Variants in METTL14 observed in about 807,000 individuals in gnomAD.
METTL14 encodes the protein methyltransferase 14, N6-adenosine-methyltransferase non-catalytic subunit.
A neutral mutation model predicts 62.4 loss-of-function variants in METTL14; 32 were observed. That is an observed-to-expected ratio of 0.51 (90% CI 0.39 to 0.69). METTL14 has a LOEUF of 0.69. Ranked by LOEUF, METTL14 falls within the 30% of genes least tolerant of loss-of-function variation. The pLI, the probability that METTL14 is intolerant of heterozygous loss-of-function variation, is 0.00. For synonymous variants in METTL14, 150 were observed against 180.0 expected (o/e 0.83, Z 1.34); for missense variants, 340 against 551.9 (o/e 0.62, Z 3.85).
chr4:118,686,343 A>T (rs915551139), intron 1 of METTL14, among the ~76,000 whole-genome samples: 1 of 152,264 alleles, frequency 6.6e-6, no homozygotes, highest in Non-Finnish European at 1.5e-5. Context: ...GCTGATTAGT[A>T]GAGTGCACAT....
chr4:118,703,068 G>A (rs913951078), intron 8 of METTL14, among the ~76,000 whole-genome samples: 4 of 151,530 alleles, frequency 2.6e-5, no homozygotes, highest in Admixed American at 6.6e-5. Flanking sequence ...CCATCAACCC[G>A]TAATCTACAT....
intron 1 of METTL14, among the ~76,000 whole-genome samples, chr4:118,686,174 C>T (rs1483680700): frequency 1.3e-5 from 2 of 152,168 alleles, no homozygotes; most frequent in Non-Finnish European, 2.9e-5. Flanking sequence ...TTATTACCTT[C>T]ACTTATCAAG....
In METTL14 at chr4:118,685,474, T is replaced by C; in HGVS notation, c.-61T>C. ...TGTTCCACAGACTCGGAAGAAAGGTTGGATAAGAGTTCACTGGAGATTGAC... is the reference window on the plus strand; with the variant it reads ...TGTTCCACAGACTCGGAAGAAAGGTCGGATAAGAGTTCACTGGAGATTGAC... On this transcript the variant is annotated 5_prime_UTR_variant, in exon 1 of 11. Coordinates refer to ENST00000388822, the MANE Select transcript of METTL14 (RefSeq NM_020961.4). The C allele has an allele frequency of 6.7e-7, 1 of 1,494,236 alleles. No homozygotes were observed. The highest frequency in any genetic ancestry group is 9.3e-7 in the Non-Finnish European group (1 of 1,070,594). The allele number at this position is 1,494,236 out of a possible 1,614,324, so 92.6% of individuals were successfully genotyped here.
intron 8 of METTL14, among the ~76,000 whole-genome samples, chr4:118,703,632 C>T (rs374307083): frequency 1.3e-5 from 2 of 152,042 alleles, no homozygotes; most frequent in Admixed American, 1.3e-4. Context: ...AATTTAAAAC[C>T]CCATGTCCAT....
rs1187579386 is a variant in METTL14 at position 118,705,838 on chromosome 4, C to T, written c.1066+17C>T. 1 of 1,583,200 alleles carries T rather than the reference C, an allele frequency of 6.3e-7. No homozygotes were observed. Among genetic ancestry groups the T allele is most frequent in the Non-Finnish European group, 8.7e-7 (1 of 1,154,106 alleles). On this transcript the variant is annotated intron_variant, in intron 10 of 10. Coordinates refer to ENST00000388822, the MANE Select transcript of METTL14 (RefSeq NM_020961.4). ...TTCGACCAGGTAGGACCTCAGTTAA[C>T]AACAACTTTTATGATTCTTTGGGTT...
intron 5 of METTL14, among the ~76,000 whole-genome samples, chr4:118,693,535 T>C (rs1376830102): frequency 6.6e-6 from 1 of 152,188 alleles, no homozygotes; most frequent in Non-Finnish European, 1.5e-5. Context: ...TCAAATTTAG[T>C]TTTTCCTTTG....
chr4:118,685,493 G>C lies in METTL14; in HGVS notation c.-42G>C, dbSNP rs1478490040. ...AAAGGTTGGATAAGAGTTCACTGGA[G>C]ATTGACAAGTACTCGGGATAGTGAA... is the stretch of plus-strand genomic sequence containing the variant. On this transcript the variant is annotated 5_prime_UTR_variant, in exon 1 of 11. Coordinates refer to ENST00000388822, the MANE Select transcript of METTL14 (RefSeq NM_020961.4). 6.3e-7 allele frequency: 1 copy of C among 1,592,708 alleles called. No homozygotes were observed. Among genetic ancestry groups the C allele is most frequent in the Non-Finnish European group, 8.6e-7 (1 of 1,160,438 alleles).
chr4:118,706,100 C>T (rs753189827), intron 10 of METTL14, among the ~76,000 whole-genome samples: 3 of 152,134 alleles, frequency 2.0e-5, no homozygotes, highest in Non-Finnish European at 2.9e-5. Flanking sequence ...ATTGACACAT[C>T]ATAATCACTC....
chr4:118,713,247 AT>A lies in METTL14; in HGVS notation c.*2946del, dbSNP rs1560887770. 2 of 152,174 alleles carry A rather than the reference AT, an allele frequency of 1.3e-5. No homozygotes were observed. Among genetic ancestry groups the A allele is most frequent in the African/African-American group, 4.8e-5 (2 of 41,422 alleles). The allele number at this position is 152,174 out of a possible 1,614,324, so 9.4% of individuals were successfully genotyped here. On this transcript the variant is annotated 3_prime_UTR_variant, in exon 11 of 11. Coordinates refer to ENST00000388822, the MANE Select transcript of METTL14 (RefSeq NM_020961.4). ...CTTATTCTGAGGCCAGGTCAGTGATATGCTATAGTTTCATTTAAGTTAATGG... is the reference window on the plus strand; with the variant it reads ...CTTATTCTGAGGCCAGGTCAGTGATAGCTATAGTTTCATTTAAGTTAATGG...
intron 3 of METTL14, among the ~76,000 whole-genome samples, chr4:118,691,050 G>A (rs745954700): frequency 8.6e-5 from 13 of 151,976 alleles, no homozygotes; most frequent in South Asian, 4.2e-4. Flanking sequence ...ACCTAATCTC[G>A]TGAATATTGT....
intron 2 of METTL14, among the ~76,000 whole-genome samples, chr4:118,688,705 C>T (rs1412937130): frequency 2.0e-5 from 3 of 152,090 alleles, no homozygotes; most frequent in East Asian, 1.9e-4. Context: ...AATAGAGTCT[C>T]GCTCTGTCAC....
chr4:118,691,025 G>A (rs1225493995), intron 3 of METTL14, among the ~76,000 whole-genome samples: 1 of 152,000 alleles, frequency 6.6e-6, no homozygotes, highest in Non-Finnish European at 1.5e-5. Flanking sequence ...TCTCTAGAAA[G>A]TTCAGTGAAA....
rs373953605 is a variant in METTL14 at position 118,701,183 on chromosome 4, G to GTTTTTT, written c.738+545_738+550dup. Among the ~76,000 whole-genome samples the GTTTTTT allele has an allele frequency of 1.1e-4, 15 of 132,314 alleles. 2 individuals are homozygous for GTTTTTT. Among genetic ancestry groups the GTTTTTT allele is most frequent in the Non-Finnish European group, 1.7e-4 (10 of 60,494 alleles). 86.8% of individuals were successfully genotyped at this position (132,314 alleles called of 152,430 possible). On this transcript the variant is annotated intron_variant, in intron 8 of 10. Coordinates refer to ENST00000388822, the MANE Select transcript of METTL14 (RefSeq NM_020961.4). ...TATTTTTTTATTGGAGTTTTTTTTT[G>GTTTTTT]TTTTTTTTTGTTTTTTTGAGACAAG...
intron 9 of METTL14, 111 bp downstream of exon 9, chr4:118,704,162 C>A: frequency 1.5e-6 from 1 of 650,860 alleles, no homozygotes; most frequent in African/African-American, 1.9e-5. Context: ...TTTTCTTAGA[C>A]TTGTAAAGAC....
chr4:118,694,156 T>G (rs1724335811), intron 5 of METTL14, among the ~76,000 whole-genome samples: 1 of 149,288 alleles, frequency 6.7e-6, no homozygotes, highest in Admixed American at 6.7e-5. Flanking sequence ...AATGTTAAAC[T>G]GGATGCTAGG....
chr4:118,700,576 T>C lies in METTL14; in HGVS notation c.672T>C (p.Ile224=). Reference sequence around the variant, plus strand: ...TTATGAAGTTAGAAATTGATGAGATTGCAGCACCTCGATCATTTATTTTTC... The same window carrying C: ...TTATGAAGTTAGAAATTGATGAGATCGCAGCACCTCGATCATTTATTTTTC... ...DDIMKLEIDE[I]AAPRSFIFLW... The change falls in exon 8 of 11, where the codon ATT becomes ATC. Residue 224 remains isoleucine, a synonymous_variant. Transcript: ENST00000388822. 1 of 1,613,210 alleles carries C rather than the reference T, an allele frequency of 6.2e-7. No individual in the cohort carries two copies. Among genetic ancestry groups the C allele is most frequent in the African/African-American group, 1.3e-5 (1 of 75,030 alleles).
chr4:118,697,678 T>A (rs1382496020), intron 7 of METTL14, among the ~76,000 whole-genome samples: 1 of 152,146 alleles, frequency 6.6e-6, no homozygotes, highest in Non-Finnish European at 1.5e-5. Context: ...TCAGAGCTTG[T>A]TTATGTATAT....
intron 5 of METTL14, among the ~76,000 whole-genome samples, chr4:118,692,349 C>T (rs1296988038): frequency 6.6e-6 from 1 of 151,918 alleles, no homozygotes. Context: ...CTGCCTCAGC[C>T]TCCCAAGTAG....
At chr4:118,706,935 CTTA>C (rs1560885056) in intron 10 of METTL14, among the ~76,000 whole-genome samples, 1 of 151,752 alleles carries the variant, frequency 6.6e-6, no homozygotes, top group African/African-American at 2.4e-5. Context: ...TGTTTGTTTT[CTTA>C]TTGTTGAGGT....
Sources: gnomAD v4.1 joint callset for allele counts (sites outside exome capture counted in the v4.1 genomes callset) on GRCh38, gnomAD v4.1.1 for gene constraint, MANE v1.5 for transcripts, NCBI Gene and HGNC (gene_info 2026-07-23, HGNC 2026-07-21) for gene names.